ESR2: variants seen among roughly 807,000 people sequenced by gnomAD.
ESR2 encodes the protein estrogen receptor 2, also known as estrogen receptor beta.
A neutral mutation model predicts 49.6 loss-of-function variants in ESR2; 36 were observed. The ratio of observed to expected loss-of-function variants is 0.73; its 90% confidence interval spans 0.56 to 0.96. The LOEUF (loss-of-function observed/expected upper bound fraction) is 0.96, where lower values mean the gene tolerates loss of function less well. ESR2 is among the 40% of genes least tolerant of loss of function. The pLI is 0.00. For synonymous variants in ESR2, 320 were observed against 266.1 expected (o/e 1.20, Z -1.97); for missense variants, 714 against 693.0 (o/e 1.03, Z -0.34).
At chr14:64,290,538 G>T (rs2076855034) in intron 1 of ESR2, among the ~76,000 whole-genome samples, 2 of 152,128 alleles carry the variant, frequency 1.3e-5, no homozygotes, top group East Asian at 3.9e-4. Flanking sequence ...GAGTAGCTGG[G>T]ACTACAGGCT....
intron 1 of ESR2, among the ~76,000 whole-genome samples, chr14:64,302,171 TATTTATTTA>T (rs1436480984): frequency 6.8e-6 from 1 of 147,608 alleles, no homozygotes; most frequent in Admixed American, 6.8e-5. Context: ...TTTATTTATT[TATTTATTTA>T]TTTATTTATT....
intron 4 of ESR2, among the ~76,000 whole-genome samples, chr14:64,263,605 G>A (rs2076264866): frequency 1.3e-5 from 2 of 151,848 alleles, no homozygotes; most frequent in Non-Finnish European, 2.9e-5. Flanking sequence ...AACCGAGACC[G>A]TGCCATGCAC....
chr14:64,254,541 C>T (rs1223636570), intron 6 of ESR2, among the ~76,000 whole-genome samples: 3 of 150,762 alleles, frequency 2.0e-5, no homozygotes, highest in African/African-American at 7.4e-5. Flanking sequence ...GAAGTCAGGA[C>T]CTCGAGACCA....
At chr14:64,258,166 G>A (rs529553625) in intron 5 of ESR2, among the ~76,000 whole-genome samples, 4 of 151,990 alleles carry the variant, frequency 2.6e-5, no homozygotes, top group Non-Finnish European at 5.9e-5. Flanking sequence ...CTGAGATCAC[G>A]CCACTGCACT....
At chr14:64,304,232 G>A (rs996840418) in intron 1 of ESR2, among the ~76,000 whole-genome samples, 7 of 152,102 alleles carry the variant, frequency 4.6e-5, no homozygotes, top group Admixed American at 6.5e-5. Flanking sequence ...ACCTGAGCCC[G>A]GCAGGTTCGA....
In ESR2 at chr14:64,228,360, A is replaced by G. The variant is rs890063898; in HGVS notation, c.*4777T>C. The stretch of plus-strand genomic sequence containing the variant: ...TGAAACACTTTATTTATATCATGTT[A>G]AACTCTCTACGACAGTGCCATAGAC... On this transcript the variant is annotated 3_prime_UTR_variant, in exon 9 of 9. Coordinates refer to ENST00000341099, the MANE Select transcript of ESR2 (RefSeq NM_001437.3). 6.6e-6 allele frequency among the ~76,000 whole-genome samples: 1 copy of G among 152,240 alleles called. No individual in the cohort carries two copies. Among genetic ancestry groups the G allele is most frequent in the Non-Finnish European group, 1.5e-5 (1 of 68,038 alleles).
intron 4 of ESR2, among the ~76,000 whole-genome samples, chr14:64,264,631 G>A (rs967254351): frequency 1.3e-5 from 2 of 152,116 alleles, no homozygotes; most frequent in Non-Finnish European, 2.9e-5. Flanking sequence ...AGCACTTTGA[G>A]AGGCTGAGGC....
At chr14:64,295,746 T>TA (rs1183448290), upstream of ESR2, among the ~76,000 whole-genome samples, 1 of 152,044 alleles carries the variant, frequency 6.6e-6, no homozygotes, top group Non-Finnish European at 1.5e-5. Flanking sequence ...AATGATGGTT[T>TA]AAAAAAATCA....
chr14:64,260,576 A>C lies in ESR2; in HGVS notation c.825T>G (p.Ala275=). The C allele has an allele frequency of 6.2e-7, 1 of 1,603,758 alleles. No homozygotes were observed. Among genetic ancestry groups the C allele is most frequent in the Non-Finnish European group, 8.5e-7 (1 of 1,174,058 alleles). ...GGCTGATCAGCACATGGGGCGGCTC[A>C]GCCTCCAGGAGGGTGAGCACTAGCT... ...PEQLVLTLLE[A]EPPHVLISRP... The change falls in exon 5 of 9, where the codon GCT becomes GCG. Residue 275 remains alanine, a synonymous_variant. Transcript: ENST00000341099.
At chr14:64,291,708 GA>G (rs1226519353) in intron 1 of ESR2, among the ~76,000 whole-genome samples, 1 of 152,056 alleles carries the variant, frequency 6.6e-6, no homozygotes, top group Non-Finnish European at 1.5e-5. Context: ...TAAAAATCCT[GA>G]CATCTACAAA....
intron 4 of ESR2, 113 bp from the exon 5 acceptor site, chr14:64,260,861 G>T: frequency 1.0e-6 from 1 of 988,992 alleles, no homozygotes; most frequent in Non-Finnish European, 1.4e-6. Flanking sequence ...GATTACTATG[G>T]TCGTGACCGT....
At chr14:64,246,197 C>T (rs1246602657) in intron 7 of ESR2, among the ~76,000 whole-genome samples, 1 of 152,086 alleles carries the variant, frequency 6.6e-6, no homozygotes, top group African/African-American at 2.4e-5. Flanking sequence ...GCTTTGTGTC[C>T]CCACCCAAAT....
At chr14:64,292,708 T>C (rs113854038) in intron 1 of ESR2, among the ~76,000 whole-genome samples, 297 of 152,318 alleles carry the variant, frequency 1.9e-3, no homozygotes, top group African/African-American at 7.0e-3. Flanking sequence ...AATTATTATG[T>C]GTTCAACATA....
At chr14:64,316,976 T>C (rs1567799613) in intron 1 of ESR2, among the ~76,000 whole-genome samples, 1 of 152,046 alleles carries the variant, frequency 6.6e-6, no homozygotes, top group Non-Finnish European at 1.5e-5. Context: ...TATAAAGAAA[T>C]ACTTGAGGCC....
intron 1 of ESR2, among the ~76,000 whole-genome samples, chr14:64,292,275 A>G (rs190899673): frequency 1.3e-5 from 2 of 152,370 alleles, no homozygotes; most frequent in Admixed American, 1.3e-4. Context: ...ACTAAAGAGC[A>G]AAACCACATA....
chr14:64,268,799 C>T lies in ESR2; in HGVS notation c.648G>A (p.Lys216=). 6.2e-7 allele frequency: 1 copy of T among 1,603,778 alleles called. No homozygotes were observed. Among genetic ancestry groups the T allele is most frequent in the Non-Finnish European group, 8.5e-7 (1 of 1,170,730 alleles). Reference sequence around the variant, plus strand: ...AGAAGGGAAGCAAGCACTCACCACACTTCACCATTCCCACTTCGTAACACT... The same window carrying T: ...AGAAGGGAAGCAAGCACTCACCACATTTCACCATTCCCACTTCGTAACACT... The part of the protein sequence containing the change: ...LRKCYEVGMV[K]CGSRRERCGY... The change falls in exon 4 of 9, where the codon AAG becomes AAA. Residue 216 remains lysine (K), a synonymous_variant. Transcript: ENST00000341099.
chr14:64,298,149 G>A (rs2076982866), upstream of ESR2, among the ~76,000 whole-genome samples: 1 of 152,150 alleles, frequency 6.6e-6, no homozygotes, highest in African/African-American at 2.4e-5. Context: ...AGCTCTTTAG[G>A]ATCACATCTT....
At chr14:64,294,754 T>A (rs1596469001), upstream of ESR2, among the ~76,000 whole-genome samples, 1 of 152,206 alleles carries the variant, frequency 6.6e-6, no homozygotes, top group Non-Finnish European at 1.5e-5. Context: ...AAGGAGCCAG[T>A]GGTGAAACCA....
upstream of ESR2, among the ~76,000 whole-genome samples, chr14:64,296,409 C>T (rs74966429): frequency 3.7e-4 from 56 of 152,306 alleles, no homozygotes; most frequent in African/African-American, 1.3e-3. Context: ...ATTTATGCCC[C>T]GCTTTCTCTC....
Sources: gnomAD v4.1 joint callset for allele counts (sites outside exome capture counted in the v4.1 genomes callset) on GRCh38, gnomAD v4.1.1 for gene constraint, MANE v1.5 for transcripts, NCBI Gene and HGNC (gene_info 2026-07-23, HGNC 2026-07-21) for gene names.